Variants in ST6GALNAC3 observed in about 807,000 individuals in gnomAD.
The protein encoded by ST6GALNAC3 is ST6 N-acetylgalactosaminide alpha-2,6-sialyltransferase 3, also known as alpha-N-acetylgalactosaminide alpha-2,6-sialyltransferase 3.
Under a neutral mutation model 32.7 loss-of-function variants are expected in ST6GALNAC3, and 25 were observed. The observed-to-expected ratio is 0.76, with a 90% CI of 0.56 to 1.07. ST6GALNAC3 has a LOEUF of 1.07. Ranked by LOEUF, ST6GALNAC3 falls within the 50% of genes least tolerant of loss-of-function variation. The probability of loss-of-function intolerance (pLI) is 0.00; values close to 1 mark genes in which losing one functional copy is unlikely to be tolerated. For missense variants in ST6GALNAC3, 355 were observed against 382.4 expected (o/e 0.93, Z 0.60); for synonymous variants, 129 against 133.1 (o/e 0.97, Z 0.21).
intron 3 of ST6GALNAC3, among the ~76,000 whole-genome samples, chr1:76,447,428 G>T (rs758958959): frequency 6.6e-6 from 1 of 152,176 alleles, no homozygotes; most frequent in Non-Finnish European, 1.5e-5. Context: ...GCTGAAAATT[G>T]TCAGAAAATC....
chr1:76,454,073 G>C (rs1557429720), intron 3 of ST6GALNAC3, among the ~76,000 whole-genome samples: 1 of 152,024 alleles, frequency 6.6e-6, no homozygotes, highest in African/African-American at 2.4e-5. Flanking sequence ...TTTAATGTTT[G>C]TTTTGTCTGA....
chr1:76,528,122 A>T (rs773923991), intron 3 of ST6GALNAC3, among the ~76,000 whole-genome samples: 1 of 152,138 alleles, frequency 6.6e-6, no homozygotes, highest in East Asian at 1.9e-4. Context: ...TAAGTTTATC[A>T]TTTTACAATA....
chr1:76,454,237 C>A (rs1434892269), intron 3 of ST6GALNAC3, among the ~76,000 whole-genome samples: 1 of 152,056 alleles, frequency 6.6e-6, no homozygotes, highest in Non-Finnish European at 1.5e-5. Context: ...TCCATTCTGC[C>A]ACTCTTTACC....
chr1:76,396,761 A>T (rs1165597804), intron 2 of ST6GALNAC3, among the ~76,000 whole-genome samples: 1 of 152,226 alleles, frequency 6.6e-6, no homozygotes, highest in Non-Finnish European at 1.5e-5. Flanking sequence ...TGTTGGGAAG[A>T]TACTAAGAAA....
chr1:76,358,319 A>G (rs1002734906), intron 2 of ST6GALNAC3, among the ~76,000 whole-genome samples: 2 of 152,194 alleles, frequency 1.3e-5, no homozygotes, highest in Non-Finnish European at 2.9e-5. Context: ...CTCTCTGAAA[A>G]TGCTTCAGAG....
intron 2 of ST6GALNAC3, among the ~76,000 whole-genome samples, chr1:76,337,378 A>T (rs72675984): frequency 0.064 from 9,758 of 152,242 alleles, 484 homozygotes; most frequent in East Asian, 0.24. Flanking sequence ...TTAGAGTGGC[A>T]CAGAAATAGT....
Position 76,121,060 on chromosome 1 carries a change from T to C in ST6GALNAC3, c.18+46176T>C, listed in dbSNP as rs79260269. Among the ~76,000 whole-genome samples, 860 of 152,338 alleles carry C rather than the reference T, an allele frequency of 5.6e-3. 9 individuals carry two copies. Among genetic ancestry groups the C allele is most frequent in the African/African-American group, 0.02 (818 of 41,572 alleles). ...CTCCTTTCTGACTCTGCTTCCAGCTTTCCCTTATAGGGATCCCTGGAATTA... is the reference window on the plus strand; with the variant it reads ...CTCCTTTCTGACTCTGCTTCCAGCTCTCCCTTATAGGGATCCCTGGAATTA... On this transcript the variant is annotated intron_variant, in intron 1 of 4. Coordinates refer to ENST00000328299, the MANE Select transcript of ST6GALNAC3 (RefSeq NM_152996.4).
chr1:76,228,674 C>T lies in ST6GALNAC3; in HGVS notation c.19-85131C>T, dbSNP rs150740696. On this transcript the variant is annotated intron_variant, in intron 1 of 4. Coordinates refer to ENST00000328299, the MANE Select transcript of ST6GALNAC3 (RefSeq NM_152996.4). The stretch of plus-strand genomic sequence containing the variant: ...TTTTAATTATCGGTTTCTCAGACAA[C>T]TCACTTGGTTTACTTTCAGGAAAAA... 1.6e-3 allele frequency among the ~76,000 whole-genome samples: 242 copies of T among 152,302 alleles called. 1 individual carries two copies. Among genetic ancestry groups the T allele is most frequent in the African/African-American group, 5.1e-3 (214 of 41,570 alleles).
chr1:76,258,754 C>T (rs535903946), intron 1 of ST6GALNAC3, among the ~76,000 whole-genome samples: 1 of 152,292 alleles, frequency 6.6e-6, no homozygotes, highest in East Asian at 1.9e-4. Flanking sequence ...AAAGAAGGAT[C>T]TGGCAATAAG....
In ST6GALNAC3 at chr1:76,419,274, A is replaced by T. The variant is rs1557871428; in HGVS notation, c.623+6857A>T. Reference sequence around the variant, plus strand: ...AGAGGATGACTTGACAGAAGGCCAGATTCTCAGAAAAAATTATACTGTATA... The same window carrying T: ...AGAGGATGACTTGACAGAAGGCCAGTTTCTCAGAAAAAATTATACTGTATA... On this transcript the variant is annotated intron_variant, in intron 3 of 4. Coordinates refer to ENST00000328299, the MANE Select transcript of ST6GALNAC3 (RefSeq NM_152996.4). Among the ~76,000 whole-genome samples the T allele has an allele frequency of 2.0e-5, 3 of 152,120 alleles. No homozygotes were observed. The South Asian group carries it at 6.2e-4, about 32-fold the overall frequency.
At chr1:76,323,321 TA>T (rs1428213117) in intron 2 of ST6GALNAC3, among the ~76,000 whole-genome samples, 1 of 152,250 alleles carries the variant, frequency 6.6e-6, no homozygotes, top group Non-Finnish European at 1.5e-5. Flanking sequence ...GTGGTTAGGT[TA>T]AATGACAGTC....
At chr1:76,205,057 C>G (rs1296136445) in intron 1 of ST6GALNAC3, among the ~76,000 whole-genome samples, 1 of 152,132 alleles carries the variant, frequency 6.6e-6, no homozygotes, top group Non-Finnish European at 1.5e-5. Flanking sequence ...ACTGTGGGAC[C>G]CTTGAGGTCA....
intron 1 of ST6GALNAC3, among the ~76,000 whole-genome samples, chr1:76,176,421 A>G (rs1412295742): frequency 2.6e-5 from 4 of 152,210 alleles, no homozygotes; most frequent in African/African-American, 9.6e-5. Context: ...TAAACAGATT[A>G]AAATGTGGTT....
chr1:76,240,814 C>T (rs1434010024), intron 1 of ST6GALNAC3, among the ~76,000 whole-genome samples: 1 of 152,166 alleles, frequency 6.6e-6, no homozygotes, highest in East Asian at 1.9e-4. Flanking sequence ...TTTGTTCTGT[C>T]AGTTTATCCT....
intron 2 of ST6GALNAC3, among the ~76,000 whole-genome samples, chr1:76,354,664 G>A (rs1190161906): frequency 2.0e-5 from 3 of 152,194 alleles, no homozygotes; most frequent in Admixed American, 2.0e-4. Flanking sequence ...GTGTGTGCCT[G>A]TGTAGATTAG....
chr1:76,119,435 T>C (rs1648713789), intron 1 of ST6GALNAC3, among the ~76,000 whole-genome samples: 1 of 152,104 alleles, frequency 6.6e-6, no homozygotes, highest in Admixed American at 6.5e-5. Flanking sequence ...CCATTGAGGG[T>C]CGTATTTAAG....
chr1:76,557,648 T>C (rs535397473), intron 3 of ST6GALNAC3, among the ~76,000 whole-genome samples: 5 of 152,210 alleles, frequency 3.3e-5, no homozygotes, highest in Middle Eastern at 3.4e-3. Flanking sequence ...TTGCCATAGT[T>C]TATAAATAGT....
intron 1 of ST6GALNAC3, among the ~76,000 whole-genome samples, chr1:76,300,493 A>G (rs532628466): frequency 1.5e-4 from 23 of 152,056 alleles, no homozygotes; most frequent in Non-Finnish European, 2.4e-4. Flanking sequence ...ACTGAGGCCT[A>G]GAGAGGTTAA....
chr1:76,527,114 G>C (rs1022325593), intron 3 of ST6GALNAC3, among the ~76,000 whole-genome samples: 1 of 152,040 alleles, frequency 6.6e-6, no homozygotes, highest in East Asian at 1.9e-4. Flanking sequence ...CTTAGAAATA[G>C]TATCTCAACC....
Sources: gnomAD v4.1 joint callset for allele counts (sites outside exome capture counted in the v4.1 genomes callset) on GRCh38, gnomAD v4.1.1 for gene constraint, MANE v1.5 for transcripts, NCBI Gene and HGNC (gene_info 2026-07-23, HGNC 2026-07-21) for gene names.